The following ZNF536 variants were observed in gnomAD, a reference collection of about 807,000 sequenced individuals.
ZNF536 encodes zinc finger protein 536.
A neutral mutation model predicts 84.5 loss-of-function variants in ZNF536; 13 were observed. The ratio of observed to expected loss-of-function variants is 0.15; its 90% CI spans 0.10 to 0.24. The LOEUF (loss-of-function observed/expected upper bound fraction) is 0.24, where lower values mean the gene tolerates loss of function less well. Among genes scored for constraint, ZNF536 ranks in the 10% least tolerant of loss-of-function variants. ZNF536 has a pLI of 1.00. For missense variants in ZNF536, 1,536 were observed against 1,747.5 expected (o/e 0.88, Z 2.16); for synonymous variants, 811 against 742.5 (o/e 1.09, Z -1.50).
chr19:30,639,758 C>G (rs1341199832), intron 1 of ZNF536, among the ~76,000 whole-genome samples: 1 of 152,192 alleles, frequency 6.6e-6, no homozygotes, highest in East Asian at 1.9e-4. Context: ...TCTTCTTGGT[C>G]CCTTGGACTA....
chr19:30,587,189 T>C (rs1230280441), intron 1 of ZNF536, among the ~76,000 whole-genome samples: 1 of 152,224 alleles, frequency 6.6e-6, no homozygotes, highest in Non-Finnish European at 1.5e-5. Flanking sequence ...TGCAAAGATT[T>C]TTCTTTTTAT....
At chr19:30,569,018 A>G (rs2046446360) in intron 1 of ZNF536, among the ~76,000 whole-genome samples, 1 of 152,188 alleles carries the variant, frequency 6.6e-6, no homozygotes, top group Non-Finnish European at 1.5e-5. Flanking sequence ...ATGAGCTGGT[A>G]GCTGCATAAG....
chr19:30,381,777 G>A (rs1203717814), intron 1 of ZNF536, among the ~76,000 whole-genome samples: 1 of 152,190 alleles, frequency 6.6e-6, no homozygotes, highest in African/African-American at 2.4e-5. Context: ...AGGGGACAGT[G>A]CAAGGGACAG....
intron 1 of ZNF536, among the ~76,000 whole-genome samples, chr19:30,408,847 CATCCATCCTCCATCCATCGATCTTCT>C (rs6146506): frequency 0.34 from 51,356 of 151,638 alleles, 9,043 homozygotes; most frequent in East Asian, 0.5. Flanking sequence ...TCTATATATT[CATCCATCCTCCATCCATCGATCTTCT>C]ATCCATCCTT....
chr19:30,490,004 G>A (rs2054446507), intron 2 of ZNF536, among the ~76,000 whole-genome samples: 1 of 152,212 alleles, frequency 6.6e-6, no homozygotes, highest in South Asian at 2.1e-4. Context: ...CCAGGGCCAA[G>A]CATGTGCTTC....
chr19:30,236,029 A>G (rs1200597697), intron 1 of ZNF536, among the ~76,000 whole-genome samples: 1 of 152,024 alleles, frequency 6.6e-6, no homozygotes, highest in African/African-American at 2.4e-5. Flanking sequence ...AAGAGGGTCA[A>G]TGCTGGTGGG....
intron 2 of ZNF536, among the ~76,000 whole-genome samples, chr19:30,329,680 C>T (rs1018080567): frequency 6.6e-6 from 1 of 152,214 alleles, no homozygotes; most frequent in African/African-American, 2.4e-5. Context: ...TCAGGCCCCT[C>T]TCCCTCTCTG....
intron 1 of ZNF536, among the ~76,000 whole-genome samples, chr19:30,433,331 C>G (rs746955746): frequency 2.0e-5 from 3 of 152,206 alleles, no homozygotes; most frequent in Non-Finnish European, 4.4e-5. Flanking sequence ...ATCTTCCCCC[C>G]ACTTCCCCAA....
intron 2 of ZNF536, among the ~76,000 whole-genome samples, chr19:30,505,734 C>A (rs58359061): frequency 6.6e-6 from 1 of 151,920 alleles, no homozygotes; most frequent in Non-Finnish European, 1.5e-5. Flanking sequence ...GGCATGATCT[C>A]GGCTCACTGC....
At chr19:30,491,738 T>A (rs80193513) in intron 2 of ZNF536, among the ~76,000 whole-genome samples, 1 of 152,198 alleles carries the variant, frequency 6.6e-6, no homozygotes, top group African/African-American at 2.4e-5. Flanking sequence ...CCAAGCCAGT[T>A]TGGGTTGAAC....
intron 1 of ZNF536, among the ~76,000 whole-genome samples, chr19:30,401,578 A>G (rs1219923261): frequency 6.6e-6 from 1 of 152,256 alleles, no homozygotes; most frequent in Non-Finnish European, 1.5e-5. Flanking sequence ...TTGCTTACAC[A>G]TGTTCTCAGA....
At chr19:30,465,089 T>G (rs2053325850) in intron 2 of ZNF536, among the ~76,000 whole-genome samples, 1 of 152,134 alleles carries the variant, frequency 6.6e-6, no homozygotes, top group Non-Finnish European at 1.5e-5. Context: ...TTCCCATTCA[T>G]GAAGTACGGA....
chr19:30,667,265 G>T (rs906960782), intron 1 of ZNF536, among the ~76,000 whole-genome samples: 4 of 152,210 alleles, frequency 2.6e-5, no homozygotes, highest in African/African-American at 9.6e-5. Flanking sequence ...CTTACAGAAG[G>T]GGAAACTGAG....
intron 1 of ZNF536, among the ~76,000 whole-genome samples, chr19:30,620,215 G>C (rs1385587320): frequency 1.3e-5 from 2 of 152,086 alleles, no homozygotes. Context: ...GGCAGCCTCT[G>C]CTCTCTTCCT....
chr19:30,262,756 G>A (rs113580686), intron 1 of ZNF536, among the ~76,000 whole-genome samples: 89 of 152,278 alleles, frequency 5.8e-4, no homozygotes, highest in African/African-American at 1.9e-3. Context: ...TCACCCTCAG[G>A]GAGGTACTGC....
At chr19:30,447,740 G>C (rs187234441) in intron 2 of ZNF536, among the ~76,000 whole-genome samples, 8 of 152,324 alleles carry the variant, frequency 5.3e-5, no homozygotes, top group Admixed American at 4.6e-4. Flanking sequence ...CTTCTGGCAT[G>C]TGTCGTTTCT....
At chr19:30,570,525 G>A (rs2046508624) in intron 1 of ZNF536, among the ~76,000 whole-genome samples, 1 of 152,096 alleles carries the variant, frequency 6.6e-6, no homozygotes, top group Non-Finnish European at 1.5e-5. Flanking sequence ...TTGTCACTCA[G>A]CATAAGTACC....
chr19:30,621,612 A>G (rs1021367609), intron 1 of ZNF536, among the ~76,000 whole-genome samples: 1 of 152,246 alleles, frequency 6.6e-6, no homozygotes, highest in African/African-American at 2.4e-5. Context: ...GCCAGCCATA[A>G]TTCAGTGTGA....
chr19:30,273,093 G>T (rs1256401717), intron 1 of ZNF536, among the ~76,000 whole-genome samples: 2 of 151,954 alleles, frequency 1.3e-5, no homozygotes, highest in Admixed American at 6.6e-5. Flanking sequence ...GTAGAGACAG[G>T]GTCTCACTAT....
Sources: allele counts gnomAD v4.1 joint callset (sites outside exome capture counted in the v4.1 genomes callset), GRCh38; gene constraint gnomAD v4.1.1; transcripts MANE v1.5; gene names NCBI Gene and HGNC (gene_info 2026-07-23, HGNC 2026-07-21).